The following DDX6 variants were observed in gnomAD, a reference collection of about 807,000 sequenced individuals.
The protein encoded by DDX6 is probable ATP-dependent RNA helicase DDX6.
In DDX6, 7 loss-of-function variants were observed where a neutral mutation model predicts 60.6. That is an observed-to-expected ratio of 0.12 (90% CI 0.07 to 0.22). The LOEUF (loss-of-function observed/expected upper bound fraction) is 0.22. DDX6 is among the 10% of genes least tolerant of loss of function. The pLI is 1.00. For synonymous variants in DDX6, 207 were observed against 201.0 expected (o/e 1.03, Z -0.25); for missense variants, 270 against 589.9 (o/e 0.46, Z 5.62).
In DDX6 at chr11:118,755,627, A is replaced by T; in HGVS notation, c.1175-124T>A. 3 of 615,008 alleles carry T rather than the reference A, an allele frequency of 4.9e-6. No individual in the cohort carries two copies. In the Admixed American group the frequency reaches 8.1e-5, roughly 17 times the overall value. The allele number at this position is 615,008 out of a possible 1,614,324, so 38.1% of individuals were successfully genotyped here. On this transcript the variant is annotated intron_variant, in intron 11 of 13. Transcript: ENST00000534980. ...AATTCAGTTATTCAAATGCATTTGC[A>T]CATTACTGGCATTACCTTTCATAAT...
intron 4 of DDX6, among the ~76,000 whole-genome samples, chr11:118,774,642 T>C (rs1861640976): frequency 6.6e-6 from 1 of 151,906 alleles, no homozygotes; most frequent in Non-Finnish European, 1.5e-5. Context: ...TAGGCTGGTT[T>C]TGAACCCCTG....
rs552213775 is a variant in DDX6, at chr11:118,755,475, T to C, written c.1203A>G (p.Gln401=). The C allele has an allele frequency of 6.2e-6, 10 of 1,606,006 alleles. No individual in the cohort carries two copies. In the African/African-American group the frequency reaches 9.3e-5, roughly 15 times the overall value. Reference sequence around the variant, plus strand: ...CAAAGTTTATTACCACATTCACAGCTTGTATATCAATACCTCGGGTAAACA... The same window carrying C: ...CAAAGTTTATTACCACATTCACAGCCTGTATATCAATACCTCGGGTAAACA... ...TDLFTRGIDI[Q]AVNVVINFDF... The change falls in exon 12 of 14, where the codon CAA becomes CAG. Residue 401 remains glutamine, a synonymous_variant. Coordinates refer to ENST00000534980, the MANE Select transcript of DDX6 (RefSeq NM_004397.6).
intron 10 of DDX6, among the ~76,000 whole-genome samples, chr11:118,756,532 CA>C (rs57041535): frequency 0.021 from 3,181 of 152,110 alleles, 108 homozygotes; most frequent in African/African-American, 0.071. Context: ...ATGTAGTTAA[CA>C]AAAAAGTCAT....
intron 5 of DDX6, among the ~76,000 whole-genome samples, chr11:118,765,916 C>T (rs782385515): frequency 4.0e-5 from 6 of 151,886 alleles, no homozygotes; most frequent in Non-Finnish European, 8.8e-5. Context: ...ACTAAAAATA[C>T]AAAATTAGCT....
chr11:118,766,221 G>GT (rs1440076268), intron 5 of DDX6, among the ~76,000 whole-genome samples: 1 of 151,640 alleles, frequency 6.6e-6, no homozygotes, highest in Non-Finnish European at 1.5e-5. Flanking sequence ...GAGCTCAGGA[G>GT]TTTAAGACCA....
In DDX6 at chr11:118,747,767, G is replaced by C. The variant is rs781928713; in HGVS notation, c.*4338C>G. On this transcript the variant is annotated 3_prime_UTR_variant, in exon 14 of 14. Coordinates refer to ENST00000534980, the MANE Select transcript of DDX6 (RefSeq NM_004397.6). ...TAAGGACATACCACACACACATTTG[G>C]AGTTCCAGTGGGCTTTTATTGAGAT... 6.6e-6 allele frequency: 1 copy of C among 152,054 alleles called. No homozygotes were observed. 9.4% of individuals were successfully genotyped at this position (152,054 alleles called of 1,614,324 possible).
chr11:118,767,002 C>T (rs1047136586), intron 5 of DDX6, among the ~76,000 whole-genome samples: 9 of 152,142 alleles, frequency 5.9e-5, no homozygotes, highest in African/African-American at 2.2e-4. Flanking sequence ...TCTCCTGCCT[C>T]AGCCTCCTTG....
intron 7 of DDX6, among the ~76,000 whole-genome samples, chr11:118,760,983 T>C (rs1247510545): frequency 1.3e-5 from 2 of 151,774 alleles, no homozygotes; most frequent in African/African-American, 4.8e-5. Context: ...CTACTAAAAA[T>C]ACAAAAATTA....
chr11:118,782,126 T>C (rs1255398046), intron 2 of DDX6, among the ~76,000 whole-genome samples: 2 of 152,136 alleles, frequency 1.3e-5, no homozygotes, highest in South Asian at 2.1e-4. Flanking sequence ...GGCAGGAGAA[T>C]TGCTTGAACC....
intron 4 of DDX6, among the ~76,000 whole-genome samples, chr11:118,771,455 T>G (rs918221141): frequency 4.6e-5 from 7 of 152,204 alleles, no homozygotes; most frequent in African/African-American, 1.7e-4. Flanking sequence ...CCCTGATATT[T>G]TGCCTTATAT....
At position 118,750,134 on chromosome 11, in the gene DDX6, A is replaced by G. The variant is rs1860707685; in HGVS notation, c.*1971T>C. On this transcript the variant is annotated 3_prime_UTR_variant, in exon 14 of 14. Coordinates refer to ENST00000534980, the MANE Select transcript of DDX6 (RefSeq NM_004397.6). ...GTATATGCGGGACTTATTTTGTAAT[A>G]TTTTAGGGTTTTGAAAAATAAAATA... is the stretch of plus-strand genomic sequence containing the variant. The G allele has an allele frequency of 6.9e-6, 1 of 144,860 alleles. No homozygotes were observed. The highest frequency in any genetic ancestry group is 1.5e-5 in the Non-Finnish European group (1 of 65,388). 9.0% of individuals were successfully genotyped at this position (144,860 alleles called of 1,614,324 possible).
At chr11:118,762,974 A>T (rs1484728943) in intron 7 of DDX6, among the ~76,000 whole-genome samples, 1 of 152,240 alleles carries the variant, frequency 6.6e-6, no homozygotes, top group Non-Finnish European at 1.5e-5. Context: ...TCTACTAAAA[A>T]ATTAAAACCT....
intron 5 of DDX6, 29 bp downstream of exon 5, chr11:118,768,194 G>A (rs1239302224): frequency 3.7e-6 from 6 of 1,602,058 alleles, no homozygotes; most frequent in Admixed American, 1.7e-5. Flanking sequence ...CCCATTTTTA[G>A]TTTAAAAACA....
intron 4 of DDX6, among the ~76,000 whole-genome samples, chr11:118,768,986 T>TAAAAA (rs1861444118): frequency 5.0e-4 from 2 of 3,974 alleles, no homozygotes; most frequent in Admixed American, 6.8e-3. Context: ...TCGTCTCATC[T>TAAAAA]CAAAAAAAAA....
chr11:118,787,723 T>G (rs1565582222), intron 1 of DDX6: 1 of 152,136 alleles, frequency 6.6e-6, no homozygotes, highest in Non-Finnish European at 1.5e-5. Flanking sequence ...GTCAAGAGAA[T>G]AGTGTATTTC....
In DDX6 at chr11:118,786,321, G is replaced by A; in HGVS notation, c.-70C>T. 5 of 1,343,076 alleles carry A rather than the reference G, an allele frequency of 3.7e-6. No individual in the cohort carries two copies. The highest frequency in any genetic ancestry group is 2.2e-5 in the Admixed American group (1 of 44,632). The allele number at this position is 1,343,076 out of a possible 1,614,324, so 83.2% of individuals were successfully genotyped here. On this transcript the variant is annotated 5_prime_UTR_variant, in exon 2 of 14. Transcript: ENST00000534980. Reference sequence around the variant, plus strand: ...AGTCAGTAGAGAAACTGTAATAACAGTTTATTAGGCTCTCCAAAATGAAGA... The same window carrying A: ...AGTCAGTAGAGAAACTGTAATAACAATTTATTAGGCTCTCCAAAATGAAGA...
chr11:118,778,739 GAAT>G (rs1565575958), intron 4 of DDX6, among the ~76,000 whole-genome samples: 4 of 152,040 alleles, frequency 2.6e-5, no homozygotes, highest in Non-Finnish European at 4.4e-5. Context: ...CACCAAAGAG[GAAT>G]AAATGGACAC....
Position 118,751,956 on chromosome 11 carries a change from C to A in DDX6, c.*149G>T. 2.5e-6 allele frequency: 1 copy of A among 399,018 alleles called. No homozygotes were observed. Among genetic ancestry groups the A allele is most frequent in the Non-Finnish European group, 4.9e-6 (1 of 204,304 alleles). 24.7% of individuals were successfully genotyped at this position (399,018 alleles called of 1,614,324 possible). The stretch of plus-strand genomic sequence containing the variant: ...CTTCTTTTCAGCCTTTTTCTCTTCA[C>A]CAGTTAAAAAAAGAAAATGTCTGAG... On this transcript the variant is annotated 3_prime_UTR_variant, in exon 14 of 14. Coordinates refer to ENST00000534980, the MANE Select transcript of DDX6 (RefSeq NM_004397.6).
chr11:118,777,646 T>C (rs1353575813), intron 4 of DDX6, among the ~76,000 whole-genome samples: 2 of 152,012 alleles, frequency 1.3e-5, no homozygotes, highest in Non-Finnish European at 2.9e-5. Context: ...TCCCAGCACT[T>C]TGGGAAGCCA....
Sources: allele counts gnomAD v4.1 joint callset (sites outside exome capture counted in the v4.1 genomes callset), GRCh38; gene constraint gnomAD v4.1.1; transcripts MANE v1.5; gene names NCBI Gene and HGNC (gene_info 2026-07-23, HGNC 2026-07-21).